The following CTNNA3 variants were observed in gnomAD, a reference collection of about 807,000 sequenced individuals.
CTNNA3 encodes the protein catenin alpha-3.
Under a neutral mutation model 95.7 loss-of-function variants are expected in CTNNA3, and 76 were observed. The observed-to-expected ratio is 0.79, with a 90% CI of 0.66 to 0.96. The LOEUF is 0.96. Among genes scored for constraint, CTNNA3 ranks in the 40% least tolerant of loss-of-function variants. CTNNA3 has a pLI of 0.00. For synonymous variants in CTNNA3, 431 were observed against 374.4 expected (o/e 1.15, Z -1.74); for missense variants, 1,191 against 1,089.8 (o/e 1.09, Z -1.31).
intron 5 of CTNNA3, among the ~76,000 whole-genome samples, chr10:67,447,911 T>G (rs1331007440): frequency 6.6e-6 from 1 of 152,160 alleles, no homozygotes; most frequent in Non-Finnish European, 1.5e-5. Flanking sequence ...ATGAATAAAT[T>G]ATTGTTAATT....
At chr10:66,508,208 C>CTGTTTTTTTTTTTTTTTTTTTTTTT (rs1564498977) in intron 11 of CTNNA3, among the ~76,000 whole-genome samples, 8 of 87,534 alleles carry the variant, frequency 9.1e-5, no homozygotes, top group African/African-American at 1.5e-4. Context: ...GTTTTGTTTT[C>CTGTTTTTTTTTTTTTTTTTTTTTTT]TGTTTTTTTT....
intron 12 of CTNNA3, among the ~76,000 whole-genome samples, chr10:66,373,454 C>T (rs757965310): frequency 9.9e-5 from 15 of 152,088 alleles, no homozygotes; most frequent in Non-Finnish European, 1.9e-4. Context: ...AGCACTTCCA[C>T]GGTCATGAGA....
At chr10:67,250,672 C>G (rs772951258) in intron 5 of CTNNA3, among the ~76,000 whole-genome samples, 1 of 152,056 alleles carries the variant, frequency 6.6e-6, no homozygotes, top group African/African-American at 2.4e-5. Context: ...AATGTGGAAC[C>G]AGCGCATATG....
intron 7 of CTNNA3, among the ~76,000 whole-genome samples, chr10:66,949,529 T>A (rs1009477671): frequency 8.0e-5 from 12 of 149,198 alleles, no homozygotes; most frequent in Non-Finnish European, 1.5e-5. Flanking sequence ...TTGGACTCCA[T>A]CCTGGGCAAC....
At chr10:66,179,973 C>CT (rs1271962139) in intron 13 of CTNNA3, among the ~76,000 whole-genome samples, 3 of 151,980 alleles carry the variant, frequency 2.0e-5, no homozygotes, top group Non-Finnish European at 2.9e-5. Context: ...GCCAGCTTTG[C>CT]TTTTTTTCTA....
At chr10:66,251,497 C>A (rs2090550940) in intron 13 of CTNNA3, among the ~76,000 whole-genome samples, 1 of 151,980 alleles carries the variant, frequency 6.6e-6, no homozygotes, top group Non-Finnish European at 1.5e-5. Flanking sequence ...AAATTGGCAT[C>A]AAAATATTGA....
At position 66,011,861 on chromosome 10, in the gene CTNNA3, C is replaced by A. The variant is rs537119259; in HGVS notation, c.2160-23064G>T. On this transcript the variant is annotated intron_variant, in intron 15 of 17. Coordinates refer to ENST00000433211, the MANE Select transcript of CTNNA3 (RefSeq NM_013266.4). ...CATGAAGGGTTTTAATTCACCCATA[C>A]AATTAACAGTTGTTAATTTGTTATG... Among the ~76,000 whole-genome samples the A allele has an allele frequency of 7.2e-5, 11 of 152,288 alleles. No individual in the cohort carries two copies. The South Asian group carries it at 2.3e-3, about 32-fold the overall frequency.
At chr10:66,045,899 T>C (rs1430403379) in intron 15 of CTNNA3, among the ~76,000 whole-genome samples, 1 of 152,082 alleles carries the variant, frequency 6.6e-6, no homozygotes, top group Non-Finnish European at 1.5e-5. Flanking sequence ...AATGATGATG[T>C]TTTATCTTTT....
chr10:65,967,225 G>T (rs1191648166), intron 16 of CTNNA3, among the ~76,000 whole-genome samples: 3 of 151,354 alleles, frequency 2.0e-5, no homozygotes, highest in Non-Finnish European at 4.4e-5. Context: ...CACAGTGCTG[G>T]GATTACAGGC....
At chr10:67,651,815 C>T (rs1413935992) in intron 1 of CTNNA3, among the ~76,000 whole-genome samples, 2 of 152,128 alleles carry the variant, frequency 1.3e-5, no homozygotes, top group African/African-American at 4.8e-5. Flanking sequence ...AGAATTCATG[C>T]TGACTGCTAG....
At chr10:67,288,532 A>T (rs1839697325) in intron 5 of CTNNA3, among the ~76,000 whole-genome samples, 1 of 152,218 alleles carries the variant, frequency 6.6e-6, no homozygotes, top group African/African-American at 2.4e-5. Flanking sequence ...TCTTCAAATA[A>T]GATTGCAACC....
intron 7 of CTNNA3, among the ~76,000 whole-genome samples, chr10:67,054,261 T>A (rs951675239): frequency 2.7e-4 from 41 of 152,032 alleles, no homozygotes; most frequent in Admixed American, 6.5e-4. Flanking sequence ...AATGTGGAGA[T>A]ATAAAAATTT....
At chr10:66,491,535 C>A (rs1022553742) in intron 11 of CTNNA3, among the ~76,000 whole-genome samples, 5 of 151,974 alleles carry the variant, frequency 3.3e-5, no homozygotes, top group Admixed American at 2.6e-4. Flanking sequence ...TCTGAAAAAA[C>A]CCTACATATT....
At chr10:67,213,780 G>A (rs1320135043) in intron 6 of CTNNA3, among the ~76,000 whole-genome samples, 1 of 151,540 alleles carries the variant, frequency 6.6e-6, no homozygotes, top group African/African-American at 2.4e-5. Context: ...ACATTTCTAG[G>A]TGGCCTGTAT....
intron 9 of CTNNA3, among the ~76,000 whole-genome samples, chr10:66,744,223 T>A (rs1032611079): frequency 3.9e-5 from 6 of 152,124 alleles, no homozygotes; most frequent in Admixed American, 6.6e-5. Context: ...ACTGATATGA[T>A]CAATTTGTTA....
intron 7 of CTNNA3, among the ~76,000 whole-genome samples, chr10:66,811,405 A>C (rs997875500): frequency 2.6e-5 from 4 of 152,212 alleles, no homozygotes; most frequent in South Asian, 2.1e-4. Context: ...TCATGGAATG[A>C]AGAGCCAATT....
intron 5 of CTNNA3, among the ~76,000 whole-genome samples, chr10:67,413,391 C>T (rs548704912): frequency 2.0e-5 from 3 of 152,054 alleles, no homozygotes; most frequent in African/African-American, 7.2e-5. Context: ...GACAAGAAGC[C>T]TTAACTATAC....
intron 12 of CTNNA3, among the ~76,000 whole-genome samples, chr10:66,290,215 G>A (rs2091657619): frequency 6.6e-6 from 1 of 151,952 alleles, no homozygotes; most frequent in Admixed American, 6.6e-5. Flanking sequence ...ATTAAAAGCA[G>A]CTTTTAAAAA....
intron 9 of CTNNA3, among the ~76,000 whole-genome samples, chr10:66,707,081 C>G (rs952008304): frequency 6.6e-6 from 1 of 151,900 alleles, no homozygotes; most frequent in Non-Finnish European, 1.5e-5. Context: ...ACTAATGTGT[C>G]CAATTTAAGC....
Sources: allele counts gnomAD v4.1 joint callset (sites outside exome capture counted in the v4.1 genomes callset), GRCh38; gene constraint gnomAD v4.1.1; transcripts MANE v1.5; gene names NCBI Gene and HGNC (gene_info 2026-07-23, HGNC 2026-07-21).